PRKAR1A: variants seen among roughly 807,000 people sequenced by gnomAD.
The protein encoded by PRKAR1A is protein kinase cAMP-dependent type I regulatory subunit alpha, also known as cAMP-dependent protein kinase type I-alpha regulatory subunit.
In PRKAR1A, 3 loss-of-function variants were observed where a neutral mutation model predicts 52.0. The ratio of observed to expected loss-of-function variants is 0.06; its 90% CI spans 0.03 to 0.15. The LOEUF is 0.15. Ranked by LOEUF, PRKAR1A falls within the 10% of genes least tolerant of loss-of-function variation. The pLI is 1.00. For synonymous variants in PRKAR1A, 188 were observed against 168.4 expected, an observed-to-expected ratio of 1.12 and a Z score of -0.90; for missense variants, 240 against 477.4, an observed-to-expected ratio of 0.50 and a Z score of 4.63.
chr17:68,526,252 G>A (rs2085786851), intron 7 of PRKAR1A, among the ~76,000 whole-genome samples: 1 of 152,188 alleles, frequency 6.6e-6, no homozygotes, highest in African/African-American at 2.4e-5. Flanking sequence ...GATAGGTGCT[G>A]CTTTTAAGTG....
rs72847794 is a variant in PRKAR1A, at chr17:68,528,614, C to T, written c.770-256C>T. 70,056 of 495,934 alleles carry T rather than the reference C, an allele frequency of 0.14. 5,328 individuals are homozygous for T. The highest frequency in any genetic ancestry group is 0.18 in the South Asian group (6,643 of 36,166). 30.7% of individuals were successfully genotyped at this position (495,934 alleles called of 1,614,324 possible). The stretch of plus-strand genomic sequence containing the variant: ...CTTAAGGATTACATTTTCTTATTCC[C>T]TTGCCATTTGGTACAGTTGGTATAA... On this transcript the variant is annotated intron_variant, in intron 8 of 10. Coordinates refer to ENST00000589228, the MANE Select transcript of PRKAR1A (RefSeq NM_002734.5).
At chr17:68,516,109 A>C (rs2085425087) in intron 2 of PRKAR1A, among the ~76,000 whole-genome samples, 1 of 152,134 alleles carries the variant, frequency 6.6e-6, no homozygotes, top group Admixed American at 6.5e-5. Context: ...ATTGATATTG[A>C]TGTTCCTCAA....
the PRKAR1A span, among the ~76,000 whole-genome samples, chr17:68,486,527 T>TCCC: frequency 1.5e-3 from 177 of 115,238 alleles, 2 homozygotes; most frequent in Middle Eastern, 8.7e-3. Flanking sequence ...CTTTCTTTCT[T>TCCC]TCTTTCTTTC....
the PRKAR1A span, chr17:68,457,375 G>T: frequency 6.5e-7 from 1 of 1,541,972 alleles, no homozygotes; most frequent in South Asian, 1.2e-5. Flanking sequence ...GCAGCTGAGC[G>T]CCGACTCAAC....
At chr17:68,434,627 C>A in the PRKAR1A span, 2 of 1,613,806 alleles carry the variant, frequency 1.2e-6, no homozygotes, top group Non-Finnish European at 8.5e-7. Context: ...TGACTGTGCC[C>A]TGGAAAAGAA....
intron 11 of PRKAR1A, among the ~76,000 whole-genome samples, chr17:68,543,149 T>C (rs746319566): frequency 3.9e-5 from 6 of 152,174 alleles, no homozygotes; most frequent in Non-Finnish European, 1.5e-5. Context: ...CAGGGTCTGA[T>C]TGAGTGGTTC....
Position 68,539,233 on chromosome 17 carries a change from G to A in PRKAR1A, c.973+9232G>A, listed in dbSNP as rs193135974. The A allele has an allele frequency of 1.2e-4, 129 of 1,073,798 alleles. 1 individual carries two copies. In the East Asian group the frequency reaches 2.7e-3, roughly 23 times the overall value. 66.5% of individuals were successfully genotyped at this position (1,073,798 alleles called of 1,614,324 possible). A position where few individuals can be genotyped will look rare whatever the true frequency, so the allele number is the denominator to read the frequency against. ...GATTCATGTCATTCTACCCACTTACGTCCTGGACCAGTGAAAACTGGAAGC... is the reference window on the plus strand; with the variant it reads ...GATTCATGTCATTCTACCCACTTACATCCTGGACCAGTGAAAACTGGAAGC... On this transcript the variant is annotated intron_variant, in intron 11 of 11. Coordinates refer to the PRKAR1A transcript ENST00000585981.
At chr17:68,477,612 G>A in the PRKAR1A span, among the ~76,000 whole-genome samples, 1 of 151,122 alleles carries the variant, frequency 6.6e-6, no homozygotes, top group Non-Finnish European at 1.5e-5. Flanking sequence ...GTGCTTTCTG[G>A]TTTTCTACGC....
chr17:68,427,385 C>A, the PRKAR1A span: 2 of 692,730 alleles, frequency 2.9e-6, no homozygotes, highest in Non-Finnish European at 4.8e-6. Flanking sequence ...GAGGCAGGGT[C>A]TTGCTCTATT....
At chr17:68,426,254 G>GGCCCCCCCCCCCC in the PRKAR1A span, 10 of 816,856 alleles carry the variant, frequency 1.2e-5, no homozygotes, top group East Asian at 3.5e-5. Flanking sequence ...GGGAGCGGGG[G>GGCCCCCCCCCCCC]CTCAAATAAA....
chr17:68,499,406 G>GAGAGAGAGAGAGAGAGAGA, the PRKAR1A span, among the ~76,000 whole-genome samples: 4 of 149,340 alleles, frequency 2.7e-5, no homozygotes, highest in Admixed American at 6.7e-5. Flanking sequence ...GAGAGAGAGA[G>GAGAGAGAGAGAGAGAGAGA]GAGGGATATA....
At chr17:68,539,646 C>T (rs1014888015) in intron 11 of PRKAR1A, among the ~76,000 whole-genome samples, 1 of 152,232 alleles carries the variant, frequency 6.6e-6, no homozygotes, top group African/African-American at 2.4e-5. Context: ...ACCTTGCTCT[C>T]GAAAACCTCA....
the PRKAR1A span, among the ~76,000 whole-genome samples, chr17:68,477,777 C>T: frequency 6.6e-6 from 1 of 151,548 alleles, no homozygotes; most frequent in Non-Finnish European, 1.5e-5. Context: ...GGCTGGAGTG[C>T]AGTGGTGCCA....
the PRKAR1A span, among the ~76,000 whole-genome samples, chr17:68,445,277 C>T: frequency 3.3e-5 from 5 of 152,170 alleles, no homozygotes; most frequent in Non-Finnish European, 7.3e-5. Flanking sequence ...ATTTCATGTG[C>T]CTTCTGTAGT....
the PRKAR1A span, among the ~76,000 whole-genome samples, chr17:68,484,280 C>T: frequency 6.6e-6 from 1 of 152,164 alleles, no homozygotes; most frequent in African/African-American, 2.4e-5. Flanking sequence ...TTGTGGTGTC[C>T]AGTGTACTGC....
At chr17:68,537,533 C>T (rs772882502), downstream of PRKAR1A, 35 of 1,613,698 alleles carry the variant, frequency 2.2e-5, no homozygotes, top group South Asian at 4.4e-5. This position sits in a 1 kb window ranked among gnomAD's most constrained non-coding sequence, Gnocchi z 4.2. Flanking sequence ...ACTGGGCCGT[C>T]GACTATGACA....
At chr17:68,528,188 A>G (rs921678192) in intron 8 of PRKAR1A, among the ~76,000 whole-genome samples, 2 of 152,232 alleles carry the variant, frequency 1.3e-5, no homozygotes, top group East Asian at 3.8e-4. Flanking sequence ...CTCTGAAAAC[A>G]TGCCAGAAGT....
upstream of PRKAR1A, among the ~76,000 whole-genome samples, chr17:68,509,920 C>G (rs1364790645): frequency 6.6e-6 from 1 of 152,106 alleles, no homozygotes; most frequent in Non-Finnish European, 1.5e-5. Context: ...ACAGCCAGGA[C>G]TCAGCAAGGA....
At chr17:68,523,510 T>C (rs1283823985) in intron 3 of PRKAR1A, among the ~76,000 whole-genome samples, 2 of 152,236 alleles carry the variant, frequency 1.3e-5, no homozygotes, top group Non-Finnish European at 2.9e-5. Flanking sequence ...CCAGACTTTA[T>C]ATTTAGGCCT....
Sources: allele counts gnomAD v4.1 joint callset (sites outside exome capture counted in the v4.1 genomes callset), GRCh38; gene constraint gnomAD v4.1.1; non-coding constraint Gnocchi (gnomAD v3.1); transcripts MANE v1.5; gene names NCBI Gene and HGNC (gene_info 2026-07-23, HGNC 2026-07-21).